VPS41: variants seen among roughly 807,000 people sequenced by gnomAD.
The protein encoded by VPS41 is vacuolar protein sorting-associated protein 41 homolog.
A neutral mutation model predicts 130.9 loss-of-function variants in VPS41; 85 were observed. That is an observed-to-expected ratio of 0.65 (90% CI 0.55 to 0.78). The LOEUF (loss-of-function observed/expected upper bound fraction) is 0.78. Ranked by LOEUF, VPS41 falls within the 30% of genes least tolerant of loss-of-function variation. VPS41 has a pLI of 0.00. For missense variants in VPS41, 874 were observed against 1,018.7 expected, an observed-to-expected ratio of 0.86 and a Z score of 1.93; for synonymous variants, 335 against 332.9, an observed-to-expected ratio of 1.01 and a Z score of -0.07.
intron 5 of VPS41, among the ~76,000 whole-genome samples, chr7:38,822,595 G>A (rs1427227008): frequency 6.6e-6 from 1 of 152,190 alleles, no homozygotes; most frequent in African/African-American, 2.4e-5. Flanking sequence ...CACTTAGGTT[G>A]TTTCCAGATT....
chr7:38,774,090 C>A, intron 12 of VPS41, 25 bp downstream of exon 12: 1 of 1,566,346 alleles, frequency 6.4e-7, no homozygotes, highest in South Asian at 1.2e-5. Flanking sequence ...AAAAGCATAT[C>A]AGCCAGATCT....
At chr7:38,893,564 A>G (rs1410056588) in intron 2 of VPS41, among the ~76,000 whole-genome samples, 1 of 152,278 alleles carries the variant, frequency 6.6e-6, no homozygotes, top group Non-Finnish European at 1.5e-5. Context: ...AGTCTGGCTC[A>G]CAATATCAAG....
chr7:38,820,095 C>A (rs1785142012), intron 6 of VPS41, among the ~76,000 whole-genome samples: 1 of 152,124 alleles, frequency 6.6e-6, no homozygotes, highest in African/African-American at 2.4e-5. Context: ...CTGAACTGAC[C>A]CTGAGCTCTT....
rs3839727 is a variant in VPS41, at chr7:38,756,213, T to TACACACACACAC, written c.1695+613_1695+624dup. ...TGAGCACTTGTAATTAGATTTCTTT[T>TACACACACACAC]ACACACACACACACACACACACACA... On this transcript the variant is annotated intron_variant, in intron 19 of 28. Coordinates refer to ENST00000310301, the MANE Select transcript of VPS41 (RefSeq NM_014396.4). Among the ~76,000 whole-genome samples the TACACACACACAC allele has an allele frequency of 7.6e-3, 1,118 of 146,630 alleles. 11 individuals are homozygous for TACACACACACAC. Among genetic ancestry groups the TACACACACACAC allele is most frequent in the African/African-American group, 0.023 (894 of 39,302 alleles).
chr7:38,895,677 T>C (rs888771568), intron 2 of VPS41, among the ~76,000 whole-genome samples: 1 of 152,168 alleles, frequency 6.6e-6, no homozygotes, highest in African/African-American at 2.4e-5. Context: ...ATGTTCTTTG[T>C]TTCTGGGCAC....
At chr7:38,860,708 T>A (rs1029893429) in intron 4 of VPS41, among the ~76,000 whole-genome samples, 1 of 72,680 alleles carries the variant, frequency 1.4e-5, no homozygotes, top group Non-Finnish European at 4.0e-5. Flanking sequence ...TGTGTGTGTG[T>A]GTGTGTGTGT....
intron 4 of VPS41, among the ~76,000 whole-genome samples, chr7:38,833,202 A>G (rs1391196878): frequency 2.0e-5 from 3 of 152,178 alleles, no homozygotes; most frequent in Non-Finnish European, 4.4e-5. Flanking sequence ...ATTCTGGTCC[A>G]TCATTCTCAT....
At chr7:38,732,039 C>T (rs1795673503) in intron 25 of VPS41, among the ~76,000 whole-genome samples, 1 of 152,150 alleles carries the variant, frequency 6.6e-6, no homozygotes, top group Admixed American at 6.5e-5. Context: ...AGATAAACAT[C>T]AAGCCTGGGA....
intron 3 of VPS41, among the ~76,000 whole-genome samples, chr7:38,867,470 G>A (rs1786253069): frequency 6.6e-6 from 1 of 151,920 alleles, no homozygotes; most frequent in Non-Finnish European, 1.5e-5. Context: ...GCTTGAACCT[G>A]GGAGGCGGAG....
At position 38,766,594 on chromosome 7, in the gene VPS41, G is replaced by A. The variant is rs375016633; in HGVS notation, c.1248-933C>T. Reference sequence around the variant, plus strand: ...GCAGACAAGGTGATAGGGTTTGGCCGTGTCCCCACCCAAATCTCATCTTGA... The same window carrying A: ...GCAGACAAGGTGATAGGGTTTGGCCATGTCCCCACCCAAATCTCATCTTGA... On this transcript the variant is annotated intron_variant, in intron 15 of 28. Transcript: ENST00000310301. 2.8e-4 allele frequency among the ~76,000 whole-genome samples: 42 copies of A among 152,302 alleles called. No individual in the cohort carries two copies. In the South Asian group the frequency reaches 7.5e-3, roughly 27 times the overall value.
chr7:38,774,252 G>T lies in VPS41; in HGVS notation c.883-8C>A. The stretch of plus-strand genomic sequence containing the variant: ...GGCACAGTATTCTCTTTCCTAGTGG[G>T]GGAAAAGAGAGAAACATTAATTTAA... On this transcript the variant is annotated splice_region_variant and splice_polypyrimidine_tract_variant and intron_variant, in intron 11 of 28. Coordinates refer to ENST00000310301, the MANE Select transcript of VPS41 (RefSeq NM_014396.4). 2 of 1,556,864 alleles carry T rather than the reference G, an allele frequency of 1.3e-6. No homozygotes were observed. Among genetic ancestry groups the T allele is most frequent in the Non-Finnish European group, 8.7e-7 (1 of 1,149,732 alleles).
chr7:38,789,873 A>T lies in VPS41; in HGVS notation c.718-6T>A. ...CGTTCCTTCACTGAGCACACCTGGA[A>T]AATAAGTTCGCAGGTTATTTTATTC... On this transcript the variant is annotated splice_polypyrimidine_tract_variant and splice_region_variant and intron_variant, in intron 9 of 28. Coordinates refer to ENST00000310301, the MANE Select transcript of VPS41 (RefSeq NM_014396.4). 6.2e-7 allele frequency: 1 copy of T among 1,613,608 alleles called. No homozygotes were observed. The highest frequency in any genetic ancestry group is 8.5e-7 in the Non-Finnish European group (1 of 1,179,618).
intron 10 of VPS41, among the ~76,000 whole-genome samples, chr7:38,786,840 TCCCACTACTGTAA>T (rs1784447195): frequency 6.6e-6 from 1 of 152,004 alleles, no homozygotes; most frequent in South Asian, 2.1e-4. Context: ...CACACAAAGA[TCCCACTACTGTAA>T]CCCATATAGC....
chr7:38,785,557 C>G (rs1028176248), intron 10 of VPS41, among the ~76,000 whole-genome samples: 4 of 152,180 alleles, frequency 2.6e-5, no homozygotes, highest in Admixed American at 2.6e-4. Context: ...TCTCCTGAAA[C>G]AGCACTGATG....
intron 10 of VPS41, among the ~76,000 whole-genome samples, chr7:38,780,681 T>C (rs966776187): frequency 3.3e-5 from 5 of 152,242 alleles, no homozygotes; most frequent in South Asian, 4.1e-4. Context: ...AAATGACATA[T>C]GTAATTTAAA....
chr7:38,795,477 C>A lies in VPS41; in HGVS notation c.705G>T (p.Gly235=), dbSNP rs749480389. 3 of 1,611,366 alleles carry A rather than the reference C, an allele frequency of 1.9e-6. No homozygotes were observed. Among genetic ancestry groups the A allele is most frequent in the East Asian group, 4.5e-5 (2 of 44,734 alleles). Residue 235 remains glycine (G), a synonymous_variant, in exon 9 of 29, where the codon GGG becomes GGT. Transcript: ENST00000310301. ...CAAGCAAAACCACCTTGACAGAAGTCCCCCAGCCAATAATCAGTGTCACAT... is the reference window on the plus strand; with the variant it reads ...CAAGCAAAACCACCTTGACAGAAGTACCCCAGCCAATAATCAGTGTCACAT... The part of the protein sequence containing the change: ...KDNVTLIIGW[G]TSVKVCSVKE...
intron 9 of VPS41, among the ~76,000 whole-genome samples, chr7:38,795,123 T>G (rs1225290944): frequency 6.6e-6 from 1 of 151,754 alleles, no homozygotes; most frequent in Admixed American, 6.6e-5. Context: ...ATGAAAAGAA[T>G]AATAAAGAGA....
At position 38,869,297 on chromosome 7, in the gene VPS41, T is replaced by C. The variant is rs1479787664; in HGVS notation, c.61-44A>G. On this transcript the variant is annotated intron_variant, in intron 2 of 28. Coordinates refer to ENST00000310301, the MANE Select transcript of VPS41 (RefSeq NM_014396.4). ...AAAATGACACCCGTCAGAGATTTAT[T>C]TGTTTTGAAAACCTCAAAACACACT... 3 of 1,457,084 alleles carry C rather than the reference T, an allele frequency of 2.1e-6. No homozygotes were observed. In the African/African-American group the frequency reaches 4.2e-5, roughly 20 times the overall value. The allele number at this position is 1,457,084 out of a possible 1,614,324, so 90.3% of individuals were successfully genotyped here.
chr7:38,790,580 T>C (rs1275498655), intron 9 of VPS41, among the ~76,000 whole-genome samples: 1 of 152,210 alleles, frequency 6.6e-6, no homozygotes, highest in Admixed American at 6.5e-5. Context: ...TCTATGCAAA[T>C]GCAGTGATGT....
Sources: allele counts gnomAD v4.1 joint callset (sites outside exome capture counted in the v4.1 genomes callset), GRCh38; gene constraint gnomAD v4.1.1; transcripts MANE v1.5; gene names NCBI Gene and HGNC (gene_info 2026-07-23, HGNC 2026-07-21).